Variants in MCM8 observed in about 807,000 individuals in gnomAD.
The protein encoded by MCM8 is DNA helicase MCM8.
Under a neutral mutation model 98.9 loss-of-function variants are expected in MCM8, and 85 were observed. The ratio of observed to expected loss-of-function variants is 0.86; its 90% confidence interval spans 0.72 to 1.03. The LOEUF (loss-of-function observed/expected upper bound fraction) is 1.03, where lower values mean the gene tolerates loss of function less well. Among genes scored for constraint, MCM8 ranks in the 50% least tolerant of loss-of-function variants. MCM8 has a pLI of 0.00. For synonymous variants in MCM8, 352 were observed against 338.6 expected (o/e 1.04, Z -0.44); for missense variants, 951 against 997.8 (o/e 0.95, Z 0.63).
intron 13 of MCM8, among the ~76,000 whole-genome samples, chr20:5,978,772 G>T (rs1184680380): frequency 5.3e-5 from 8 of 152,128 alleles, no homozygotes; most frequent in Non-Finnish European, 2.9e-5. Flanking sequence ...TGGCCAGGCT[G>T]GTCTTGAACT....
intron 13 of MCM8, among the ~76,000 whole-genome samples, chr20:5,981,423 G>A (rs59062996): frequency 0.024 from 3,586 of 152,144 alleles, 132 homozygotes; most frequent in African/African-American, 0.077. Flanking sequence ...CATGAATATG[G>A]GACACATTCC....
At chr20:5,967,650 T>TAGAA in intron 9 of MCM8, 63 bp downstream of exon 9, 1 of 1,515,272 alleles carries the variant, frequency 6.6e-7, no homozygotes, top group Non-Finnish European at 9.0e-7. Context: ...TCATCTTTTC[T>TAGAA]AAGATGCTCC....
At position 5,954,647 on chromosome 20, in the gene MCM8, C is replaced by G; in HGVS notation, c.293C>G (p.Ala98Gly). 1 of 1,610,910 alleles carries G rather than the reference C, an allele frequency of 6.2e-7. No individual in the cohort carries two copies. Among genetic ancestry groups the G allele is most frequent in the Non-Finnish European group, 8.5e-7 (1 of 1,177,498 alleles). Residue 98 changes from alanine to glycine, a missense_variant, in exon 4 of 19, where the codon GCA becomes GGA. By Grantham distance (60) the Ala-to-Gly change is moderately conservative (BLOSUM62 0). Transcript: ENST00000610722. ...DSSPLIEKIQ[A>G]FEKFFTRHID... ...TCTCCTTTGATTGAGAAGATTCAAG[C>G]ATTTGAAAAATTTTTCACAAGGCAT...
At position 5,996,947 on chromosome 20, in the gene MCM8, C is replaced by G. The variant is rs1030263680; in HGVS notation, c.*2556C>G. On this transcript the variant is annotated 3_prime_UTR_variant, in exon 19 of 19. Transcript: ENST00000610722. ...CCACACCTTTCAACCACTGTAGCAA[C>G]AAAGCTCTGGCCTAGGCTTTTCACT... 5.2e-5 allele frequency: 8 copies of G among 152,384 alleles called. No individual in the cohort carries two copies. The highest frequency in any genetic ancestry group is 1.9e-4 in the African/African-American group (8 of 41,588). 9.4% of individuals were successfully genotyped at this position (152,384 alleles called of 1,614,324 possible).
At position 5,997,612 on chromosome 20, in the gene MCM8, G is replaced by T. The variant is rs2089975799; in HGVS notation, c.*3221G>T. The T allele has an allele frequency of 6.6e-6, 1 of 152,396 alleles. No individual in the cohort carries two copies. Among genetic ancestry groups the T allele is most frequent in the South Asian group, 2.1e-4 (1 of 4,828 alleles). The allele number at this position is 152,396 out of a possible 1,614,324, so 9.4% of individuals were successfully genotyped here. A position where few individuals can be genotyped will look rare whatever the true frequency, so the allele number is the denominator to read the frequency against. On this transcript the variant is annotated 3_prime_UTR_variant, in exon 19 of 19. Coordinates refer to ENST00000610722, the MANE Select transcript of MCM8 (RefSeq NM_032485.6). ...CTACAGGCATGCACCACTACACCTGGCTGCGAGATGAAATTTTAAGAGATG... is the reference window on the plus strand; with the variant it reads ...CTACAGGCATGCACCACTACACCTGTCTGCGAGATGAAATTTTAAGAGATG...
chr20:5,972,763 A>T (rs2089432487), intron 11 of MCM8: 1 of 1,343,910 alleles, frequency 7.4e-7, no homozygotes, highest in African/African-American at 1.5e-5. Context: ...AGACACTGCC[A>T]GTATTAAAGC....
intron 4 of MCM8, 111 bp downstream of exon 4, chr20:5,954,801 C>A: frequency 1.5e-6 from 1 of 664,770 alleles, no homozygotes; most frequent in Admixed American, 2.7e-5. Context: ...TGGTTCAGAC[C>A]TCAGTTCTGC....
At position 5,996,865 on chromosome 20, in the gene MCM8, C is replaced by T. The variant is rs2089964132; in HGVS notation, c.*2474C>T. The T allele has an allele frequency of 6.6e-6, 1 of 152,234 alleles. No individual in the cohort carries two copies. Among genetic ancestry groups the T allele is most frequent in the African/African-American group, 2.4e-5 (1 of 41,446 alleles). The allele number at this position is 152,234 out of a possible 1,614,324, so 9.4% of individuals were successfully genotyped here. ...GTGTGCAAACATCACATTACAGTCCCTCCAACCACAAACCCCAACATATAG... is the reference window on the plus strand; with the variant it reads ...GTGTGCAAACATCACATTACAGTCCTTCCAACCACAAACCCCAACATATAG... On this transcript the variant is annotated 3_prime_UTR_variant, in exon 19 of 19. Coordinates refer to ENST00000610722, the MANE Select transcript of MCM8 (RefSeq NM_032485.6).
At chr20:5,977,031 G>A (rs2089525584) in intron 12 of MCM8, among the ~76,000 whole-genome samples, 1 of 152,108 alleles carries the variant, frequency 6.6e-6, no homozygotes, top group South Asian at 2.1e-4. Context: ...ATATTTTTGT[G>A]TTTTCTTCTT....
rs35102646 is a variant in MCM8 at position 5,963,339 on chromosome 20, G to A, written c.855G>A (p.Thr285=). 1.2e-3 allele frequency: 1,913 copies of A among 1,613,804 alleles called. 24 individuals carry two copies. In the African/African-American group the frequency reaches 0.022, roughly 18 times the overall value. The change falls in exon 8 of 19, where the codon ACG becomes ACA. Residue 285 remains threonine (T), a synonymous_variant. Coordinates refer to ENST00000610722, the MANE Select transcript of MCM8 (RefSeq NM_032485.6). ...TCCGCAGCTCTCCTCTCACAGTTAC[G>A]ATGGACTGGCAGTCAATCAAGTAAG... is the stretch of plus-strand genomic sequence containing the variant. ...TALRSSPLTV[T]MDWQSIKIQE...
intron 13 of MCM8, among the ~76,000 whole-genome samples, chr20:5,982,664 T>A (rs951562381): frequency 1.3e-5 from 2 of 152,238 alleles, no homozygotes; most frequent in Middle Eastern, 3.2e-3. Context: ...CACACCCATT[T>A]GAATTTAACT....
intron 17 of MCM8, among the ~76,000 whole-genome samples, chr20:5,989,523 TAAG>T (rs2089803230): frequency 6.6e-6 from 1 of 152,196 alleles, no homozygotes; most frequent in South Asian, 2.1e-4. Flanking sequence ...TCACCCTAGA[TAAG>T]AAGTTTCCAA....
chr20:5,953,124 G>A (rs1276088793), intron 3 of MCM8, among the ~76,000 whole-genome samples: 6 of 152,210 alleles, frequency 3.9e-5, no homozygotes, highest in Non-Finnish European at 8.8e-5. Context: ...GCTGAAAAGA[G>A]TTGGAAACAA....
intron 18 of MCM8, 84 bp from the exon 19 acceptor site, chr20:5,994,215 A>G: frequency 6.6e-6 from 5 of 755,656 alleles, no homozygotes; most frequent in South Asian, 4.5e-5. Context: ...TTACAGGTAC[A>G]TATTATTATT....
At chr20:5,972,967 AT>A in intron 11 of MCM8, 88 bp from the exon 12 acceptor site, 1 of 1,446,782 alleles carries the variant, frequency 6.9e-7, no homozygotes, top group South Asian at 1.4e-5. Context: ...CCCCAAACAA[AT>A]TAATATTATA....
chr20:5,982,547 C>T (rs889065758), intron 13 of MCM8, among the ~76,000 whole-genome samples: 2 of 151,980 alleles, frequency 1.3e-5, no homozygotes, highest in African/African-American at 4.8e-5. Context: ...TAGTCAATAC[C>T]TGGTATAGGT....
intron 13 of MCM8, among the ~76,000 whole-genome samples, chr20:5,982,397 G>A (rs1460124258): frequency 2.0e-5 from 3 of 152,132 alleles, no homozygotes; most frequent in Non-Finnish European, 2.9e-5. Flanking sequence ...CAAGCATTAC[G>A]AGGTAATGTT....
intron 17 of MCM8, 116 bp downstream of exon 17, chr20:5,987,474 T>A: frequency 1.4e-6 from 1 of 697,426 alleles, no homozygotes; most frequent in Non-Finnish European, 2.3e-6. Flanking sequence ...ATTTTCCTCC[T>A]AAACAGAGTA....
intron 8 of MCM8, among the ~76,000 whole-genome samples, chr20:5,964,982 A>C (rs2089242991): frequency 6.6e-6 from 1 of 152,194 alleles, no homozygotes; most frequent in Non-Finnish European, 1.5e-5. Context: ...GCTTTACTGC[A>C]GTCATTCTAT....
Sources: gnomAD v4.1 joint callset for allele counts (sites outside exome capture counted in the v4.1 genomes callset) on GRCh38, gnomAD v4.1.1 for gene constraint, MANE v1.5 for transcripts, NCBI Gene and HGNC (gene_info 2026-07-23, HGNC 2026-07-21) for gene names.